The following CFAP69 variants were observed in gnomAD, a reference collection of about 807,000 sequenced individuals.
The protein encoded by CFAP69 is cilia- and flagella-associated protein 69.
A neutral mutation model predicts 123.0 loss-of-function variants in CFAP69; 92 were observed. The observed-to-expected ratio is 0.75, with a 90% CI of 0.63 to 0.89. The LOEUF (loss-of-function observed/expected upper bound fraction) is 0.89. Ranked by LOEUF, CFAP69 falls within the 40% of genes least tolerant of loss-of-function variation. CFAP69 has a pLI of 0.00. For synonymous variants in CFAP69, 380 were observed against 364.3 expected (o/e 1.04, Z -0.49); for missense variants, 1,067 against 1,096.9 (o/e 0.97, Z 0.39).
chr7:90,306,520 C>T (rs1202786441), intron 19 of CFAP69, among the ~76,000 whole-genome samples: 1 of 152,118 alleles, frequency 6.6e-6, no homozygotes, highest in Non-Finnish European at 1.5e-5. Context: ...TTCATCTTGA[C>T]CTAGCCTTCA....
In CFAP69 at chr7:90,304,045, T is replaced by A. The variant is rs1346086419; in HGVS notation, c.2127T>A (p.Ile709=). The A allele has an allele frequency of 5.2e-6, 8 of 1,551,114 alleles. No homozygotes were observed. The highest frequency in any genetic ancestry group is 7.0e-6 in the Non-Finnish European group (8 of 1,146,716). ...CACTGCCTGCTAACTGCCCATCTAT[T>A]GCGGTTATGGATGTTTCTGAGAATA... ...IIPLPANCPS[I]AVMDVSENIR... is the part of the protein sequence containing the mutation. The change falls in exon 18 of 23, where the codon ATT becomes ATA. Residue 709 remains isoleucine (I), a synonymous_variant. Coordinates refer to ENST00000389297, the MANE Select transcript of CFAP69 (RefSeq NM_001039706.3).
intron 1 of CFAP69, among the ~76,000 whole-genome samples, chr7:90,254,667 T>C (rs1216529199): frequency 6.6e-6 from 1 of 152,108 alleles, no homozygotes; most frequent in Non-Finnish European, 1.5e-5. Context: ...AGCTTCGTCT[T>C]GAAGGACCTG....
Position 90,278,508 on chromosome 7 carries a change from A to T in CFAP69, c.1156-1169A>T, listed in dbSNP as rs151175925. Among the ~76,000 whole-genome samples the T allele has an allele frequency of 3.4e-4, 52 of 152,284 alleles. 2 individuals are homozygous for T. The East Asian group carries it at 4.0e-3, about 12-fold the overall frequency. Reference sequence around the variant, plus strand: ...GGAAAATCATTTGGAAAATTATTCCATAAAGTATGGTTTATTATTCCAATA... The same window carrying T: ...GGAAAATCATTTGGAAAATTATTCCTTAAAGTATGGTTTATTATTCCAATA... On this transcript the variant is annotated intron_variant, in intron 11 of 22. Coordinates refer to ENST00000389297, the MANE Select transcript of CFAP69 (RefSeq NM_001039706.3).
chr7:90,297,877 T>A lies in CFAP69; in HGVS notation c.1857+47T>A, dbSNP rs6465256. On this transcript the variant is annotated intron_variant, in intron 16 of 22. Transcript: ENST00000389297. The stretch of plus-strand genomic sequence containing the variant: ...ATAAGACAAAAGACAAATATGTCTA[T>A]TAAAGGCCGTTTCCAAACTGAATGC... The A allele has an allele frequency of 0.87, 1,120,608 of 1,291,912 alleles. 487,395 individuals carry two copies. The highest frequency in any genetic ancestry group is 1 in the East Asian group (39,456 of 39,474). 80.0% of individuals were successfully genotyped at this position (1,291,912 alleles called of 1,614,324 possible). A position where few individuals can be genotyped will look rare whatever the true frequency, so the allele number is the denominator to read the frequency against.
chr7:90,314,356 G>A (rs1459981386), downstream of CFAP69, among the ~76,000 whole-genome samples: 4 of 152,162 alleles, frequency 2.6e-5, no homozygotes, highest in African/African-American at 9.7e-5. Flanking sequence ...AGGCACAGTG[G>A]TTCAGGCCTG....
intron 6 of CFAP69, among the ~76,000 whole-genome samples, chr7:90,271,044 A>G (rs1799877550): frequency 6.6e-6 from 1 of 152,168 alleles, no homozygotes; most frequent in Non-Finnish European, 1.5e-5. Context: ...GAAACTGACT[A>G]GTGAAAACAT....
intron 1 of CFAP69, among the ~76,000 whole-genome samples, chr7:90,251,672 A>G (rs976245288): frequency 1.1e-4 from 16 of 151,800 alleles, no homozygotes; most frequent in African/African-American, 3.4e-4. Context: ...TCCTGAAACA[A>G]AAAAAACCTA....
chr7:90,262,645 C>T (rs2116761918), intron 4 of CFAP69, among the ~76,000 whole-genome samples: 1 of 152,112 alleles, frequency 6.6e-6, no homozygotes, highest in South Asian at 2.1e-4. Context: ...AGTGGCTAAT[C>T]TAGGTATATA....
chr7:90,315,417 G>A (rs942315622), downstream of CFAP69, among the ~76,000 whole-genome samples: 3 of 152,232 alleles, frequency 2.0e-5, no homozygotes, highest in South Asian at 4.1e-4. Context: ...GGAATGCTAT[G>A]CAGCCATAAA....
chr7:90,307,682 C>G, intron 20 of CFAP69, 86 bp from the exon 21 acceptor site: 1 of 786,666 alleles, frequency 1.3e-6, no homozygotes, highest in African/African-American at 1.8e-5. Context: ...CCACTGGACT[C>G]CAGCCTGGGT....
intron 14 of CFAP69, 165 bp downstream of exon 14, chr7:90,286,564 A>G: frequency 1.7e-6 from 1 of 599,594 alleles, no homozygotes; most frequent in Non-Finnish European, 2.7e-6. Context: ...ATACAACAGT[A>G]TACACCCATT....
At chr7:90,273,838 AT>A (rs1584409850) in intron 8 of CFAP69, 148 bp from the exon 9 acceptor site, 2 of 544,484 alleles carry the variant, frequency 3.7e-6, no homozygotes, top group East Asian at 7.1e-5. Flanking sequence ...AAGGGCACTA[AT>A]TCCATTCATG....
intron 1 of CFAP69, among the ~76,000 whole-genome samples, chr7:90,247,557 A>G (rs1796481468): frequency 6.6e-6 from 1 of 152,118 alleles, no homozygotes; most frequent in South Asian, 2.1e-4. Context: ...AAATTAAATA[A>G]TATATATAGG....
At chr7:90,300,345 T>C (rs1361436363) in intron 17 of CFAP69, 2 of 906,740 alleles carry the variant, frequency 2.2e-6, no homozygotes, top group Admixed American at 5.9e-5. Context: ...CTTTGGGTTT[T>C]CTGCTTTTAT....
intron 2 of CFAP69, among the ~76,000 whole-genome samples, chr7:90,257,137 T>G (rs1469673643): frequency 6.6e-6 from 1 of 152,184 alleles, no homozygotes; most frequent in Non-Finnish European, 1.5e-5. Flanking sequence ...AGGGTCATTT[T>G]GGAAATTAAT....
chr7:90,291,980 A>G (rs1380002536), intron 15 of CFAP69, among the ~76,000 whole-genome samples: 1 of 152,194 alleles, frequency 6.6e-6, no homozygotes, highest in Non-Finnish European at 1.5e-5. Flanking sequence ...GCAGAAACAA[A>G]CTTGAAAACA....
At chr7:90,283,543 G>GA (rs1789798461) in intron 13 of CFAP69, among the ~76,000 whole-genome samples, 1 of 151,980 alleles carries the variant, frequency 6.6e-6, no homozygotes, top group Non-Finnish European at 1.5e-5. Context: ...AAAGAAAATG[G>GA]AAATTATGTG....
At chr7:90,271,440 T>C in intron 6 of CFAP69, 86 bp from the exon 7 acceptor site, 1 of 1,394,096 alleles carries the variant, frequency 7.2e-7, no homozygotes, top group Non-Finnish European at 9.8e-7. Context: ...TTTCTTGCTG[T>C]TGCTTAATAA....
At position 90,245,455 on chromosome 7, in the gene CFAP69, G is replaced by C; in HGVS notation, c.31G>C (p.Glu11Gln). The change falls in exon 1 of 23, where the codon GAG becomes CAG. Residue 11 changes from glutamate to glutamine, a missense_variant. Transcript: ENST00000389297. MWTEEAGATA[E>Q]AQESGIRNKS... ...GACAGAGGAAGCCGGGGCGACCGCC[G>C]AGGCCCAGGAATCCGGCATCAGGAA... The C allele has an allele frequency of 6.4e-7, 1 of 1,558,302 alleles. No individual in the cohort carries two copies.
Sources: allele counts gnomAD v4.1 joint callset (sites outside exome capture counted in the v4.1 genomes callset), GRCh38; gene constraint gnomAD v4.1.1; transcripts MANE v1.5; gene names NCBI Gene and HGNC (gene_info 2026-07-23, HGNC 2026-07-21).